NLGN4X: variants seen among roughly 807,000 people sequenced by gnomAD.
NLGN4X encodes neuroligin-4, X-linked.
Under a neutral mutation model 40.3 loss-of-function variants are expected in NLGN4X, and 3 were observed. The ratio of observed to expected loss-of-function variants is 0.07; its 90% CI spans 0.03 to 0.19. NLGN4X has a LOEUF of 0.19. Among genes scored for constraint, NLGN4X ranks in the 10% least tolerant of loss-of-function variants. NLGN4X has a pLI of 1.00. For missense variants in NLGN4X, 382 were observed against 708.3 expected, an observed-to-expected ratio of 0.54 and a Z score of 5.23; for synonymous variants, 270 against 306.8, an observed-to-expected ratio of 0.88 and a Z score of 1.25.
chrX:5,903,394 G>A lies in NLGN4X; in HGVS notation c.1284C>T (p.Ala428=), dbSNP rs201588956. The A allele has an allele frequency of 1.8e-4, 222 of 1,208,122 alleles. No homozygotes were observed. Among genetic ancestry groups the A allele is most frequent in the Non-Finnish European group, 2.2e-4 (198 of 894,395 alleles). The change falls in exon 5 of 6, where the codon GCC becomes GCT. Residue 428 remains alanine, a synonymous_variant. Transcript: ENST00000381095. ...ETIKFMYTDW[A]DKENPETRRK... is the part of the protein sequence containing the mutation. ...GCCGCGTCTCCGGGTTTTCCTTATC[G>A]GCCCAGTCTGTGTACATGAACTTGA...
chrX:6,007,181 G>A (rs1237420322), intron 3 of NLGN4X, among the ~76,000 whole-genome samples: 2 of 111,679 alleles, frequency 1.8e-5, no homozygotes, highest in Non-Finnish European at 3.8e-5. Context: ...GTATGAAACT[G>A]GGTGGAGGCC....
chrX:6,127,939 T>C (rs950235457), intron 2 of NLGN4X, among the ~76,000 whole-genome samples: 1 of 109,296 alleles, frequency 9.1e-6, no homozygotes, highest in African/African-American at 3.3e-5. Context: ...GGAGAAGATA[T>C]TTACAACATG....
chrX:6,014,183 A>G (rs1015381627), intron 3 of NLGN4X, among the ~76,000 whole-genome samples: 1 of 108,254 alleles, frequency 9.2e-6, no homozygotes, highest in African/African-American at 3.4e-5. Flanking sequence ...TCCATCTCAG[A>G]GAGAGAAAAA....
chrX:6,003,338 T>A (rs2036019300), intron 3 of NLGN4X, among the ~76,000 whole-genome samples: 1 of 112,503 alleles, frequency 8.9e-6, no homozygotes, highest in African/African-American at 3.2e-5. Flanking sequence ...GTCTGTTACC[T>A]AGGTTTTGCT....
In NLGN4X at chrX:5,893,186, C is replaced by T. The variant is rs777453771; in HGVS notation, c.2082G>A (p.Ala694=). Residue 694 remains alanine (A), a synonymous_variant, in exon 6 of 6, where the codon GCG becomes GCA. Transcript: ENST00000381095. ...SLLFLNILAF[A]ALYYKKDKRR... ...TCTTGTCCTTTTTGTAGTACAGCGC[C>T]GCAAAAGCTAAGATGTTGAGGAAGA... 2.1e-5 allele frequency: 26 copies of T among 1,209,476 alleles called. No homozygotes were observed. Among genetic ancestry groups the T allele is most frequent in the South Asian group, 1.6e-4 (9 of 56,750 alleles).
intron 2 of NLGN4X, among the ~76,000 whole-genome samples, chrX:6,094,072 C>A (rs186431698): frequency 9.0e-6 from 1 of 111,612 alleles, no homozygotes; most frequent in African/African-American, 3.3e-5. Flanking sequence ...AAAATACACA[C>A]AAAACACTTA....
intron 1 of NLGN4X, among the ~76,000 whole-genome samples, chrX:6,159,160 A>G (rs2040333778): frequency 8.9e-6 from 1 of 111,885 alleles, no homozygotes; most frequent in Admixed American, 9.5e-5. Context: ...GTAAAACTAA[A>G]CAATATATTG....
intron 3 of NLGN4X, among the ~76,000 whole-genome samples, chrX:5,968,508 T>TGTGTGTGTGTG (rs2034912564): frequency 5.2e-5 from 3 of 57,773 alleles, no homozygotes; most frequent in Admixed American, 4.3e-4. Flanking sequence ...TGTGTGTGTG[T>TGTGTGTGTGTG]TGGGGTGCTA....
At chrX:5,897,989 T>A (rs1000382738) in intron 5 of NLGN4X, among the ~76,000 whole-genome samples, 1 of 96,481 alleles carries the variant, frequency 1.0e-5, no homozygotes, top group Non-Finnish European at 2.1e-5. Flanking sequence ...TCCTCCTCCA[T>A]TCCCTTTTTC....
chrX:6,129,802 T>TAA (rs66886928), intron 2 of NLGN4X, among the ~76,000 whole-genome samples: 8 of 104,289 alleles, frequency 7.7e-5, no homozygotes, highest in Admixed American at 4.2e-4. Context: ...GTGAAATGTT[T>TAA]AAAAAAAAAA....
intron 2 of NLGN4X, 119 bp from the exon 3 acceptor site, chrX:6,029,551 AT>A (rs2036799804): frequency 1.5e-6 from 1 of 687,151 alleles, no homozygotes; most frequent in African/African-American, 2.2e-5. Context: ...AAGCACATTT[AT>A]TTTTATGGAT....
chrX:5,906,605 G>C (rs1299606288), intron 4 of NLGN4X, among the ~76,000 whole-genome samples: 1 of 111,510 alleles, frequency 9.0e-6, no homozygotes, highest in Non-Finnish European at 1.9e-5. Context: ...CGACATCCCT[G>C]GCTCAAGCGA....
At chrX:6,099,578 A>C (rs907688221) in intron 2 of NLGN4X, among the ~76,000 whole-genome samples, 1 of 112,174 alleles carries the variant, frequency 8.9e-6, no homozygotes, top group Admixed American at 9.4e-5. Flanking sequence ...AGTATCTACT[A>C]TCCATTCTTA....
intron 2 of NLGN4X, chrX:6,032,641 T>G: frequency 1.2e-6 from 1 of 826,243 alleles, no homozygotes; most frequent in Non-Finnish European, 1.7e-6. Flanking sequence ...GAGAGATAGA[T>G]AGATATAAAA....
At chrX:6,018,680 G>A (rs1355367773) in intron 3 of NLGN4X, among the ~76,000 whole-genome samples, 1 of 111,823 alleles carries the variant, frequency 8.9e-6, no homozygotes. Context: ...GATTTACAAT[G>A]ATGTGTTGAT....
chrX:6,151,221 G>T lies in NLGN4X; in HGVS notation c.246C>A (p.Pro82=), dbSNP rs375260964. 23 of 1,207,270 alleles carry T rather than the reference G, an allele frequency of 1.9e-5. No individual in the cohort carries two copies. In the African/African-American group the frequency reaches 2.8e-4, roughly 15 times the overall value. The change falls in exon 2 of 6, where the codon CCC becomes CCA. Residue 82 remains proline, a synonymous_variant. Coordinates refer to ENST00000381095, the MANE Select transcript of NLGN4X (RefSeq NM_181332.3). ...QYLGVPYASP[P]TGERRFQPPE... is the part of the protein sequence containing the mutation. ...GGGGCTGAAACCGCCTCTCTCCAGT[G>T]GGGGGTGAGGCATAGGGGACCCCTA...
At chrX:6,201,565 A>G (rs182877826) in intron 1 of NLGN4X, among the ~76,000 whole-genome samples, 1 of 112,236 alleles carries the variant, frequency 8.9e-6, no homozygotes, top group African/African-American at 3.2e-5. Context: ...ATAGTAACAC[A>G]TAAAGTGAGA....
chrX:6,039,166 T>C (rs150275290), intron 2 of NLGN4X, among the ~76,000 whole-genome samples: 1,917 of 111,146 alleles, frequency 0.017, 37 homozygotes, highest in African/African-American at 0.06. Context: ...AAAGAAAAAA[T>C]ATAATGATGT....
At chrX:5,989,048 A>T (rs916133888) in intron 3 of NLGN4X, among the ~76,000 whole-genome samples, 2 of 108,656 alleles carry the variant, frequency 1.8e-5, no homozygotes, top group South Asian at 8.2e-4. Flanking sequence ...AGCTTGGGCG[A>T]CAGAGCGAGA....
Sources: gnomAD v4.1 joint callset for allele counts (sites outside exome capture counted in the v4.1 genomes callset) on GRCh38, gnomAD v4.1.1 for gene constraint, MANE v1.5 for transcripts, NCBI Gene and HGNC (gene_info 2026-07-23, HGNC 2026-07-21) for gene names.